The following LOX variants were observed in gnomAD, a reference collection of about 807,000 sequenced individuals.
LOX encodes the protein protein-lysine 6-oxidase.
A neutral mutation model predicts 50.5 loss-of-function variants in LOX; 12 were observed. The observed-to-expected ratio is 0.24, with a 90% CI of 0.15 to 0.38. LOX has a LOEUF of 0.38. Ranked by LOEUF, LOX falls within the 10% of genes least tolerant of loss-of-function variation. The pLI is 1.00. For missense variants in LOX, 504 were observed against 563.8 expected, an observed-to-expected ratio of 0.89 and a Z score of 1.07; for synonymous variants, 254 against 230.6, an observed-to-expected ratio of 1.10 and a Z score of -0.92.
chr5:122,077,961 G>A lies in LOX; in HGVS notation c.25C>T (p.Leu9=). The A allele has an allele frequency of 1.4e-6, 2 of 1,474,492 alleles. No homozygotes were observed. Among genetic ancestry groups the A allele is most frequent in the South Asian group, 1.5e-5 (1 of 67,478 alleles). The allele number at this position is 1,474,492 out of a possible 1,614,324, so 91.3% of individuals were successfully genotyped here. A position where few individuals can be genotyped will look rare whatever the true frequency, so the allele number is the denominator to read the frequency against. ...GCGCAGAGCTGCAAAGGCCCGAGCAGGAGCACGGTCCAGGCGAAGCGCATC... is the reference window on the plus strand; with the variant it reads ...GCGCAGAGCTGCAAAGGCCCGAGCAAGAGCACGGTCCAGGCGAAGCGCATC... The part of the protein sequence containing the change: MRFAWTVL[L]LGPLQLCALV... Residue 9 remains leucine, a synonymous_variant, in exon 1 of 7, where the codon CTG becomes TTG. Coordinates refer to ENST00000231004, the MANE Select transcript of LOX (RefSeq NM_002317.7). The surrounding 1 kb of genome is among the most constrained non-coding windows in gnomAD (Gnocchi z 4.9).
Position 122,077,253 on chromosome 5 carries a change from C to A in LOX, c.631+102G>T. 6.5e-7 allele frequency: 1 copy of A among 1,549,246 alleles called. No homozygotes were observed. The highest frequency in any genetic ancestry group is 8.7e-7 in the Non-Finnish European group (1 of 1,150,136). On this transcript the variant is annotated intron_variant, in intron 1 of 6. Coordinates refer to ENST00000231004, the MANE Select transcript of LOX (RefSeq NM_002317.7). The surrounding 1 kb of genome is among the most constrained non-coding windows in gnomAD (Gnocchi z 4.9). ...CAGGCGCGTGGGGGAGGGATCGGAT[C>A]TGCGAGGACCGGGGCCCGCCGCGCC... is the stretch of plus-strand genomic sequence containing the variant.
chr5:122,068,508 T>G (rs189356623), intron 6 of LOX, among the ~76,000 whole-genome samples: 1 of 152,262 alleles, frequency 6.6e-6, no homozygotes, highest in Admixed American at 6.5e-5. Context: ...ATTCTCTCAC[T>G]TCCCCTACTC....
chr5:122,069,711 G>T (rs1031519361), intron 6 of LOX, among the ~76,000 whole-genome samples: 2 of 152,010 alleles, frequency 1.3e-5, no homozygotes, highest in African/African-American at 4.8e-5. Flanking sequence ...CGAGGAAGGG[G>T]CCAAGAAGCA....
Position 122,076,889 on chromosome 5 carries a change from G to A in LOX, c.740+4C>T, listed in dbSNP as rs776788935. The A allele has an allele frequency of 7.1e-5, 115 of 1,613,632 alleles. 1 individual carries two copies. In the South Asian group the frequency reaches 1.2e-3, roughly 17 times the overall value. The stretch of plus-strand genomic sequence containing the variant: ...AGCGGGGCCTCAGACATATCAGCCC[G>A]TACCTGGCCAGACAGTTTTCCTCCG... On this transcript the variant is annotated splice_donor_region_variant and intron_variant, in intron 2 of 6. Coordinates refer to ENST00000231004, the MANE Select transcript of LOX (RefSeq NM_002317.7).
intron 6 of LOX, among the ~76,000 whole-genome samples, chr5:122,068,356 C>G (rs1754357668): frequency 1.3e-5 from 2 of 152,044 alleles, no homozygotes; most frequent in Admixed American, 1.3e-4. Context: ...CAGACCTCTC[C>G]AGACCTATTT....
rs780488416 is a variant in LOX at position 122,070,016 on chromosome 5, G to A, written c.1247+37C>T. The A allele has an allele frequency of 7.1e-6, 10 of 1,416,822 alleles. No individual in the cohort carries two copies. The South Asian group carries it at 1.0e-4, about 15-fold the overall frequency. 87.8% of individuals were successfully genotyped at this position (1,416,822 alleles called of 1,614,324 possible). A position where few individuals can be genotyped will look rare whatever the true frequency, so the allele number is the denominator to read the frequency against. ...TGTTTGGCATGAACAAAAATTATTT[G>A]TGACAACAATTACTTAGCTAAGCAA... On this transcript the variant is annotated intron_variant, in intron 6 of 6. Transcript: ENST00000231004.
At chr5:122,067,562 C>T (rs1375417687) in intron 6 of LOX, among the ~76,000 whole-genome samples, 2 of 152,100 alleles carry the variant, frequency 1.3e-5, no homozygotes, top group African/African-American at 4.8e-5. Flanking sequence ...CCAGACTGAC[C>T]TGATGGCCTT....
In LOX at chr5:122,077,518, G is replaced by A; in HGVS notation, c.468C>T (p.Asn156=). ...CGTCCACGCGGCTGGGCGGCCGCAGGTTACTGAGCGCAGGAACTTCTCCCG... is the reference window on the plus strand; with the variant it reads ...CGTCCACGCGGCTGGGCGGCCGCAGATTACTGAGCGCAGGAACTTCTCCCG... The part of the protein sequence containing the change: ...TAPGEVPALS[N]LRPPSRVDGM... Residue 156 remains asparagine (N), a synonymous_variant, in exon 1 of 7, where the codon AAC becomes AAT. Transcript: ENST00000231004. This position sits in a 1 kb window ranked among gnomAD's most constrained non-coding sequence, Gnocchi z 4.9. 6.2e-7 allele frequency: 1 copy of A among 1,613,834 alleles called. No individual in the cohort carries two copies. Among genetic ancestry groups the A allele is most frequent in the Non-Finnish European group, 8.5e-7 (1 of 1,179,992 alleles).
chr5:122,067,879 C>A (rs1053590497), intron 6 of LOX, among the ~76,000 whole-genome samples: 3 of 151,994 alleles, frequency 2.0e-5, no homozygotes, highest in Non-Finnish European at 4.4e-5. Flanking sequence ...ATCCTAAAGT[C>A]ACTCCTGAAA....
At position 122,077,991 on chromosome 5, in the gene LOX, C is replaced by CT; in HGVS notation, c.-7dup. The CT allele has an allele frequency of 6.9e-7, 1 of 1,446,412 alleles. No homozygotes were observed. The highest frequency in any genetic ancestry group is 9.1e-7 in the Non-Finnish European group (1 of 1,102,142). 89.6% of individuals were successfully genotyped at this position (1,446,412 alleles called of 1,614,324 possible). A position where few individuals can be genotyped will look rare whatever the true frequency, so the allele number is the denominator to read the frequency against. On this transcript the variant is annotated 5_prime_UTR_variant, in exon 1 of 7. Coordinates refer to ENST00000231004, the MANE Select transcript of LOX (RefSeq NM_002317.7). This position sits in a 1 kb window ranked among gnomAD's most constrained non-coding sequence, Gnocchi z 4.9. ...ACGGTCCAGGCGAAGCGCATCACTC[C>CT]TTTTGCCAGATTGACCCCGCTCGAG...
rs571941612 is a variant in LOX, at chr5:122,073,354, A to G, written c.1035+659T>C. The stretch of plus-strand genomic sequence containing the variant: ...TCCATCCAAACAACATCTGACATCA[A>G]TTATACTGTAGATTTAAATATATAT... On this transcript the variant is annotated intron_variant, in intron 4 of 6. Coordinates refer to ENST00000231004, the MANE Select transcript of LOX (RefSeq NM_002317.7). Among the ~76,000 whole-genome samples the G allele has an allele frequency of 7.9e-5, 12 of 152,354 alleles. No individual in the cohort carries two copies. In the East Asian group the frequency reaches 1.5e-3, roughly 20 times the overall value.
Position 122,077,431 on chromosome 5 carries a change from G to A in LOX, c.555C>T (p.Asn185=). ...YKYSDDNPYY[N]YYDTYERPRP... is the part of the protein sequence containing the mutation. ...TGGGCCTTTCATAAGTATCGTAGTA[G>A]TTGTAATAAGGGTTGTCGTCAGAGT... is the stretch of plus-strand genomic sequence containing the variant. Residue 185 remains asparagine, a synonymous_variant, in exon 1 of 7, where the codon AAC becomes AAT. Coordinates refer to ENST00000231004, the MANE Select transcript of LOX (RefSeq NM_002317.7). The surrounding 1 kb of genome is among the most constrained non-coding windows in gnomAD (Gnocchi z 4.9). The A allele has an allele frequency of 1.9e-6, 3 of 1,614,142 alleles. No homozygotes were observed. The highest frequency in any genetic ancestry group is 2.5e-6 in the Non-Finnish European group (3 of 1,180,004).
Position 122,064,060 on chromosome 5 carries a change from T to C in LOX, c.*2683A>G, listed in dbSNP as rs993927737. On this transcript the variant is annotated 3_prime_UTR_variant, in exon 7 of 7. Transcript: ENST00000231004. ...CTGAATCATCATGAGATCGCTAATA[T>C]GGCATATTGTAAACTGACTCATAAA... is the stretch of plus-strand genomic sequence containing the variant. 2.0e-5 allele frequency: 3 copies of C among 151,920 alleles called. No homozygotes were observed. The highest frequency in any genetic ancestry group is 7.2e-5 in the African/African-American group (3 of 41,402). 9.4% of individuals were successfully genotyped at this position (151,920 alleles called of 1,614,324 possible). A position where few individuals can be genotyped will look rare whatever the true frequency, so the allele number is the denominator to read the frequency against.
chr5:122,066,947 G>C (rs2067538613), intron 6 of LOX, among the ~76,000 whole-genome samples, 198 bp from the exon 7 acceptor site: 1 of 152,084 alleles, frequency 6.6e-6, no homozygotes, highest in African/African-American at 2.4e-5. Context: ...GTCAACAGCA[G>C]AGATGCCTGA....
At chr5:122,069,786 A>G (rs984147449) in intron 6 of LOX, among the ~76,000 whole-genome samples, 2 of 152,128 alleles carry the variant, frequency 1.3e-5, no homozygotes, top group Non-Finnish European at 2.9e-5. Context: ...TTGGGCCTTC[A>G]CAAATGCCTT....
chr5:122,076,670 C>T (rs1471272037), intron 2 of LOX, among the ~76,000 whole-genome samples: 1 of 152,202 alleles, frequency 6.6e-6, no homozygotes, highest in East Asian at 1.9e-4. Flanking sequence ...GTTTCCTCCA[C>T]CTCTGTGATT....
intron 4 of LOX, among the ~76,000 whole-genome samples, chr5:122,073,482 A>T (rs1248233324): frequency 2.6e-5 from 4 of 152,198 alleles, no homozygotes; most frequent in Admixed American, 2.6e-4. Context: ...CCATTTGCTA[A>T]CCGCAACCAC....
chr5:122,072,310 G>A (rs1438987808), intron 4 of LOX, among the ~76,000 whole-genome samples: 1 of 152,122 alleles, frequency 6.6e-6, no homozygotes, highest in African/African-American at 2.4e-5. Flanking sequence ...GAGTTACTAA[G>A]GCAAATAGGC....
Position 122,065,699 on chromosome 5 carries a change from T to C in LOX, c.*1044A>G, listed in dbSNP as rs533831152. 6.6e-6 allele frequency: 1 copy of C among 152,074 alleles called. No homozygotes were observed. The highest frequency in any genetic ancestry group is 1.5e-5 in the Non-Finnish European group (1 of 67,972). The allele number at this position is 152,074 out of a possible 1,614,324, so 9.4% of individuals were successfully genotyped here. On this transcript the variant is annotated 3_prime_UTR_variant, in exon 7 of 7. Coordinates refer to ENST00000231004, the MANE Select transcript of LOX (RefSeq NM_002317.7). ...TATAAAATTTTTAACATTCCTCTAATAGCTGAACATCTTTTTAAAATCTAG... is the reference window on the plus strand; with the variant it reads ...TATAAAATTTTTAACATTCCTCTAACAGCTGAACATCTTTTTAAAATCTAG...
Sources: allele counts gnomAD v4.1 joint callset (sites outside exome capture counted in the v4.1 genomes callset), GRCh38; gene constraint gnomAD v4.1.1; non-coding constraint Gnocchi (gnomAD v3.1); transcripts MANE v1.5; gene names NCBI Gene and HGNC (gene_info 2026-07-23, HGNC 2026-07-21).